The following AKAP19 variants were observed in gnomAD, a reference collection of about 807,000 sequenced individuals.
AKAP19 encodes the protein small A-kinase anchoring protein.
At chr2:190,047,731 C>T in the AKAP19 span, among the ~76,000 whole-genome samples, 1 of 152,218 alleles carries the variant, frequency 6.6e-6, no homozygotes, top group African/African-American at 2.4e-5. Flanking sequence ...CTTGTGCCCT[C>T]CTTTTCTGGG....
chr2:190,075,798 G>T, the AKAP19 span, among the ~76,000 whole-genome samples: 1 of 151,910 alleles, frequency 6.6e-6, no homozygotes, highest in Non-Finnish European at 1.5e-5. Context: ...TATAACTTCT[G>T]CCTTTTGATT....
At chr2:189,924,665 C>T in the AKAP19 span, among the ~76,000 whole-genome samples, 1 of 152,096 alleles carries the variant, frequency 6.6e-6, no homozygotes. Context: ...GTTACACCCC[C>T]ACATTAGTGT....
the AKAP19 span, among the ~76,000 whole-genome samples, chr2:190,088,641 A>G: frequency 9.9e-5 from 15 of 152,250 alleles, no homozygotes; most frequent in Non-Finnish European, 1.9e-4. Flanking sequence ...TATCATGTTA[A>G]TATCAATTAG....
chr2:190,024,747 G>C, the AKAP19 span, among the ~76,000 whole-genome samples: 1 of 151,976 alleles, frequency 6.6e-6, no homozygotes, highest in African/African-American at 2.4e-5. Flanking sequence ...AAAATATTTG[G>C]TTCTAATCCA....
chr2:190,114,892 C>G, the AKAP19 span, among the ~76,000 whole-genome samples: 11 of 151,518 alleles, frequency 7.3e-5, no homozygotes, highest in Admixed American at 7.2e-4. Flanking sequence ...AAATTGTTAC[C>G]TTCTTTTTGT....
chr2:190,133,235 C>CAAAAAAAAAA, the AKAP19 span, among the ~76,000 whole-genome samples: 1 of 58,106 alleles, frequency 1.7e-5, no homozygotes, highest in Non-Finnish European at 2.9e-5. Flanking sequence ...GAGACTCTGC[C>CAAAAAAAAAA]AAAAAAAAAA....
the AKAP19 span, chr2:190,200,467 C>T: frequency 2.7e-5 from 6 of 222,122 alleles, no homozygotes; most frequent in Non-Finnish European, 5.9e-5. Context: ...ATAAAAACTG[C>T]CCCAAATTCC....
At chr2:190,031,268 A>G in the AKAP19 span, among the ~76,000 whole-genome samples, 1 of 152,222 alleles carries the variant, frequency 6.6e-6, no homozygotes, top group African/African-American at 2.4e-5. Context: ...AGGGCAGTAT[A>G]GAGCAGTGAG....
the AKAP19 span, among the ~76,000 whole-genome samples, chr2:189,926,726 G>A: frequency 2.7e-5 from 4 of 149,936 alleles, no homozygotes; most frequent in Non-Finnish European, 5.9e-5. Flanking sequence ...GGCTACAGGC[G>A]CCCGCCACCA....
chr2:189,975,479 G>A, the AKAP19 span, among the ~76,000 whole-genome samples: 2 of 152,104 alleles, frequency 1.3e-5, no homozygotes, highest in Non-Finnish European at 2.9e-5. Context: ...TCTTCTCGAG[G>A]AGTATCTTTG....
the AKAP19 span, among the ~76,000 whole-genome samples, chr2:190,049,792 C>T: frequency 9.2e-5 from 14 of 152,176 alleles, no homozygotes; most frequent in African/African-American, 3.4e-4. Flanking sequence ...TTATTTACAG[C>T]TGAATGTATT....
At chr2:190,041,342 G>A in the AKAP19 span, among the ~76,000 whole-genome samples, 1 of 152,144 alleles carries the variant, frequency 6.6e-6, no homozygotes, top group Admixed American at 6.6e-5. Flanking sequence ...GTATAGGAAT[G>A]CTAGTGATTT....
At chr2:189,904,507 G>A in the AKAP19 span, among the ~76,000 whole-genome samples, 2 of 151,904 alleles carry the variant, frequency 1.3e-5, no homozygotes, top group Non-Finnish European at 2.9e-5. Flanking sequence ...ATGGGAAAAG[G>A]GTACGTTACT....
chr2:189,973,715 G>A, the AKAP19 span, among the ~76,000 whole-genome samples: 405 of 152,242 alleles, frequency 2.7e-3, 1 homozygote, highest in African/African-American at 9.3e-3. Flanking sequence ...GTCTTGGGAG[G>A]TTGTATGTGT....
the AKAP19 span, among the ~76,000 whole-genome samples, chr2:190,097,859 C>CAAAAAAAAAAAAAAAAAAAAAAAAA: frequency 1.5e-5 from 1 of 64,526 alleles, no homozygotes; most frequent in African/African-American, 6.4e-5. Flanking sequence ...TGGTTTCTAC[C>CAAAAAAAAAAAAAAAAAAAAAAAAA]AAAAAAAAAA....
the AKAP19 span, among the ~76,000 whole-genome samples, chr2:189,948,609 C>G: frequency 1.9e-4 from 29 of 152,266 alleles, no homozygotes; most frequent in African/African-American, 6.5e-4. Flanking sequence ...GTCTATGTTA[C>G]TACATTAAAC....
chr2:190,123,651 C>G, the AKAP19 span, among the ~76,000 whole-genome samples: 1 of 152,154 alleles, frequency 6.6e-6, no homozygotes, highest in Non-Finnish European at 1.5e-5. Context: ...CAAGACTCAC[C>G]ACAGTAAATT....
the AKAP19 span, among the ~76,000 whole-genome samples, chr2:190,069,175 T>TGTGTGAGAGAGAGAGA: frequency 8.9e-5 from 11 of 123,506 alleles, no homozygotes; most frequent in African/African-American, 3.2e-4. Context: ...TGTGTGTGTG[T>TGTGTGAGAGAGAGAGA]GAGAGAGAGA....
At chr2:190,025,637 G>A in the AKAP19 span, among the ~76,000 whole-genome samples, 1 of 152,154 alleles carries the variant, frequency 6.6e-6, no homozygotes, top group Non-Finnish European at 1.5e-5. Context: ...ACTGAGCATG[G>A]TGCAGACACA....
Sources: gnomAD v4.1 joint callset for allele counts (sites outside exome capture counted in the v4.1 genomes callset) on GRCh38, gnomAD v4.1.1 for gene constraint, MANE v1.5 for transcripts, NCBI Gene and HGNC (gene_info 2026-07-23, HGNC 2026-07-21) for gene names.